NAALADL2: variants seen among roughly 807,000 people sequenced by gnomAD.
The protein encoded by NAALADL2 is N-acetylated alpha-linked acidic dipeptidase like 2.
Under a neutral mutation model 87.2 loss-of-function variants are expected in NAALADL2, and 76 were observed. That is an observed-to-expected ratio of 0.87 (90% confidence interval 0.72 to 1.05). The LOEUF is 1.05. Among genes scored for constraint, NAALADL2 ranks in the 50% least tolerant of loss-of-function variants. The pLI, the probability that NAALADL2 is intolerant of heterozygous loss-of-function variation, is 0.00. For missense variants in NAALADL2, 1,089 were observed against 945.8 expected (o/e 1.15, Z -1.99); for synonymous variants, 354 against 331.0 (o/e 1.07, Z -0.75).
chr3:174,625,067 T>C (rs1359456415), intron 2 of NAALADL2, among the ~76,000 whole-genome samples: 3 of 145,154 alleles, frequency 2.1e-5, no homozygotes, highest in Non-Finnish European at 4.5e-5. Context: ...CTTTTTTTTT[T>C]TTTTTTTTTG....
intron 5 of NAALADL2, among the ~76,000 whole-genome samples, chr3:175,325,953 C>A (rs1446393859): frequency 6.6e-6 from 1 of 152,058 alleles, no homozygotes; most frequent in Non-Finnish European, 1.5e-5. Context: ...AATAATTTTT[C>A]ATTTTTTACA....
chr3:174,705,872 G>A (rs1286453007), intron 2 of NAALADL2, among the ~76,000 whole-genome samples: 2 of 151,796 alleles, frequency 1.3e-5, no homozygotes, highest in Non-Finnish European at 1.5e-5. Flanking sequence ...CCAGTTTTAA[G>A]TGATTTCCCA....
intron 1 of NAALADL2, among the ~76,000 whole-genome samples, 156 bp from the exon 2 acceptor site, chr3:175,096,634 A>G (rs1014694212): frequency 4.6e-5 from 7 of 151,938 alleles, no homozygotes; most frequent in Admixed American, 4.6e-4. Context: ...AAATTATAAG[A>G]TTAATTAAAT....
chr3:174,448,050 A>C (rs1715186727), intron 1 of NAALADL2, among the ~76,000 whole-genome samples: 1 of 152,142 alleles, frequency 6.6e-6, no homozygotes, highest in Non-Finnish European at 1.5e-5. Context: ...ATTTGTGGGA[A>C]AACTTTCCTT....
intron 3 of NAALADL2, 131 bp downstream of exon 3, chr3:175,234,335 G>T: frequency 3.0e-6 from 3 of 992,494 alleles, no homozygotes; most frequent in Non-Finnish European, 4.4e-6. Flanking sequence ...GTGTGGAAGT[G>T]CCAGGAAAGA....
At chr3:175,360,163 T>G (rs939992489) in intron 5 of NAALADL2, among the ~76,000 whole-genome samples, 2 of 152,154 alleles carry the variant, frequency 1.3e-5, no homozygotes, top group Non-Finnish European at 2.9e-5. Flanking sequence ...TATGACTATG[T>G]AAAGCATTGT....
intron 13 of NAALADL2, among the ~76,000 whole-genome samples, chr3:175,755,984 G>A (rs992910481): frequency 1.3e-5 from 2 of 152,060 alleles, no homozygotes; most frequent in Non-Finnish European, 2.9e-5. Context: ...AGACTCAGAG[G>A]ATACTATGAG....
intron 5 of NAALADL2, among the ~76,000 whole-genome samples, chr3:175,337,447 G>A (rs1169038391): frequency 6.6e-6 from 1 of 151,960 alleles, no homozygotes; most frequent in Non-Finnish European, 1.5e-5. Context: ...TGAAATGAAG[G>A]CATTGGGGCA....
upstream of NAALADL2, among the ~76,000 whole-genome samples, chr3:174,859,049 ACT>A (rs1726161256): frequency 6.6e-6 from 1 of 152,060 alleles, no homozygotes; most frequent in Non-Finnish European, 1.5e-5. Context: ...AAGAAACCAA[ACT>A]CTGTGAAGCT....
intron 1 of NAALADL2, among the ~76,000 whole-genome samples, chr3:174,923,326 A>C (rs1046911314): frequency 6.6e-6 from 1 of 152,196 alleles, no homozygotes; most frequent in Non-Finnish European, 1.5e-5. Context: ...AGAATTAAGT[A>C]CATATCCATG....
intron 11 of NAALADL2, among the ~76,000 whole-genome samples, chr3:175,674,353 G>A (rs1433358627): frequency 6.6e-6 from 1 of 151,294 alleles, no homozygotes; most frequent in Non-Finnish European, 1.5e-5. Flanking sequence ...TCCGCCTCCC[G>A]GGTTCGCGCC....
chr3:174,721,026 A>G (rs1731664537), intron 2 of NAALADL2, among the ~76,000 whole-genome samples: 1 of 152,208 alleles, frequency 6.6e-6, no homozygotes, highest in Non-Finnish European at 1.5e-5. Context: ...ATATTGAACC[A>G]GACATACTGA....
chr3:175,544,093 A>C (rs1385541224), intron 9 of NAALADL2, among the ~76,000 whole-genome samples: 1 of 152,136 alleles, frequency 6.6e-6, no homozygotes, highest in Non-Finnish European at 1.5e-5. Flanking sequence ...GGCTCGGATA[A>C]AGTTCAACAG....
chr3:175,591,824 A>ATATATG (rs1721522759), intron 10 of NAALADL2, among the ~76,000 whole-genome samples: 1 of 108,754 alleles, frequency 9.2e-6, no homozygotes, highest in Non-Finnish European at 2.0e-5. Context: ...ATATATATAT[A>ATATATG]TATGTATGAA....
intron 3 of NAALADL2, among the ~76,000 whole-genome samples, chr3:174,812,879 A>G (rs1484610696): frequency 1.3e-5 from 2 of 152,170 alleles, no homozygotes; most frequent in South Asian, 2.1e-4. Flanking sequence ...CAGCTCTACA[A>G]TATATTTATG....
chr3:174,593,029 C>T (rs1447569967), intron 2 of NAALADL2, among the ~76,000 whole-genome samples: 1 of 152,048 alleles, frequency 6.6e-6, no homozygotes, highest in East Asian at 1.9e-4. Context: ...ATCCAACTAA[C>T]CAATCAGATA....
chr3:175,127,808 C>T (rs953462885), intron 2 of NAALADL2, among the ~76,000 whole-genome samples: 2 of 151,974 alleles, frequency 1.3e-5, no homozygotes, highest in African/African-American at 4.8e-5. Flanking sequence ...GGCTTGAGCT[C>T]AGGAGTTTGA....
chr3:175,221,219 T>A (rs1208747859), intron 2 of NAALADL2, among the ~76,000 whole-genome samples: 13 of 141,716 alleles, frequency 9.2e-5, no homozygotes, highest in Admixed American at 4.9e-4. Flanking sequence ...AAAAAAAAGA[T>A]TTTTTAGTAT....
intron 5 of NAALADL2, among the ~76,000 whole-genome samples, chr3:175,441,451 G>T (rs1257760839): frequency 6.6e-6 from 1 of 152,156 alleles, no homozygotes; most frequent in African/African-American, 2.4e-5. Flanking sequence ...GGTACCAAGG[G>T]ATGACTACGT....
Sources: gnomAD v4.1 joint callset for allele counts (sites outside exome capture counted in the v4.1 genomes callset) on GRCh38, gnomAD v4.1.1 for gene constraint, MANE v1.5 for transcripts, NCBI Gene and HGNC (gene_info 2026-07-23, HGNC 2026-07-21) for gene names.